ENTREP2: variants seen among roughly 807,000 people sequenced by gnomAD.
The protein encoded by ENTREP2 is endosomal transmembrane epsin interactor 2.
the ENTREP2 span, among the ~76,000 whole-genome samples, chr15:29,359,691 G>A: frequency 6.6e-6 from 1 of 152,102 alleles, no homozygotes; most frequent in Non-Finnish European, 1.5e-5. Flanking sequence ...GATTACAGGC[G>A]TGAGCCACTG....
chr15:29,126,826 T>C, the ENTREP2 span, among the ~76,000 whole-genome samples: 25 of 152,116 alleles, frequency 1.6e-4, no homozygotes, highest in Non-Finnish European at 2.2e-4. Flanking sequence ...CCAAGGGACA[T>C]CAAGGCATCC....
the ENTREP2 span, among the ~76,000 whole-genome samples, chr15:29,294,812 A>G: frequency 6.6e-6 from 1 of 152,232 alleles, no homozygotes; most frequent in Non-Finnish European, 1.5e-5. Flanking sequence ...AACAATGATG[A>G]AAGTAGCTAA....
At chr15:29,278,142 C>A in the ENTREP2 span, among the ~76,000 whole-genome samples, 2 of 151,754 alleles carry the variant, frequency 1.3e-5, no homozygotes, top group African/African-American at 4.8e-5. Flanking sequence ...CAGCTCCCTC[C>A]CTTGGACTAA....
At chr15:29,293,258 CT>C in the ENTREP2 span, among the ~76,000 whole-genome samples, 39 of 147,004 alleles carry the variant, frequency 2.7e-4, no homozygotes, top group Admixed American at 2.7e-4. Flanking sequence ...TTTATTGACT[CT>C]TTTTTTTTTT....
chr15:29,286,656 T>G, the ENTREP2 span, among the ~76,000 whole-genome samples: 1 of 152,232 alleles, frequency 6.6e-6, no homozygotes, highest in Admixed American at 6.5e-5. Flanking sequence ...CCCACTGTAG[T>G]GCTCTCCTTG....
the ENTREP2 span, among the ~76,000 whole-genome samples, chr15:29,232,613 C>T: frequency 6.6e-6 from 1 of 151,238 alleles, no homozygotes; most frequent in Non-Finnish European, 1.5e-5. Context: ...CTGCCTCAGC[C>T]TTCTTAGTAG....
chr15:29,496,714 C>T, the ENTREP2 span, among the ~76,000 whole-genome samples: 1 of 152,118 alleles, frequency 6.6e-6, no homozygotes, highest in African/African-American at 2.4e-5. Context: ...ATGTGTTGTA[C>T]CACACTTATT....
the ENTREP2 span, among the ~76,000 whole-genome samples, chr15:29,159,502 A>T: frequency 4.6e-5 from 7 of 152,220 alleles, no homozygotes; most frequent in Non-Finnish European, 1.0e-4. Context: ...CCCCACCCAC[A>T]TCCTGCTGAT....
chr15:29,151,923 A>C, the ENTREP2 span: 1 of 957,802 alleles, frequency 1.0e-6, no homozygotes, highest in Non-Finnish European at 1.5e-6. Flanking sequence ...AGGGCCCAGA[A>C]TGAGCCGAGG....
At chr15:29,203,029 T>C in the ENTREP2 span, among the ~76,000 whole-genome samples, 2 of 152,174 alleles carry the variant, frequency 1.3e-5, no homozygotes, top group South Asian at 2.1e-4. Flanking sequence ...TCAAATGGTA[T>C]TTCTGGTTCT....
the ENTREP2 span, among the ~76,000 whole-genome samples, chr15:29,547,844 T>C: frequency 6.6e-6 from 1 of 152,174 alleles, no homozygotes; most frequent in African/African-American, 2.4e-5. Flanking sequence ...AGCCCAAGTA[T>C]TCACTGTTAG....
the ENTREP2 span, among the ~76,000 whole-genome samples, chr15:29,250,452 A>G: frequency 2.2e-4 from 33 of 152,314 alleles, no homozygotes; most frequent in East Asian, 6.0e-3. Flanking sequence ...CCGTGGAGGT[A>G]TAGAAAGCGG....
the ENTREP2 span, among the ~76,000 whole-genome samples, chr15:29,310,026 T>C: frequency 6.6e-6 from 1 of 152,094 alleles, no homozygotes; most frequent in South Asian, 2.1e-4. Context: ...GTCCCTCTCC[T>C]GATTCTTCAT....
chr15:29,579,804 G>A, the ENTREP2 span, among the ~76,000 whole-genome samples: 1 of 145,754 alleles, frequency 6.9e-6, no homozygotes, highest in Non-Finnish European at 1.5e-5. Flanking sequence ...TCCACGTTCC[G>A]GGTTCACGCC....
At chr15:29,618,146 G>A in the ENTREP2 span, among the ~76,000 whole-genome samples, 8 of 152,210 alleles carry the variant, frequency 5.3e-5, no homozygotes, top group Admixed American at 2.0e-4. Context: ...CACAGAGGCC[G>A]GGCGTGGTAG....
the ENTREP2 span, among the ~76,000 whole-genome samples, chr15:29,142,895 T>G: frequency 2.0e-5 from 3 of 152,286 alleles, no homozygotes; most frequent in East Asian, 5.8e-4. Context: ...TTACAGACAC[T>G]TAAATGATCA....
At chr15:29,325,212 T>C in the ENTREP2 span, among the ~76,000 whole-genome samples, 3 of 152,118 alleles carry the variant, frequency 2.0e-5, no homozygotes, top group Non-Finnish European at 4.4e-5. Context: ...CAGCACTAAA[T>C]GCCTATAACA....
At chr15:29,199,943 G>A in the ENTREP2 span, among the ~76,000 whole-genome samples, 1 of 152,172 alleles carries the variant, frequency 6.6e-6, no homozygotes, top group Admixed American at 6.5e-5. Flanking sequence ...GCCTATAGAT[G>A]TCCAATTGTT....
chr15:29,356,965 C>A, the ENTREP2 span, among the ~76,000 whole-genome samples: 1 of 152,040 alleles, frequency 6.6e-6, no homozygotes, highest in African/African-American at 2.4e-5. Flanking sequence ...GGCCCTTCCT[C>A]CTCACAGGTA....
Sources: gnomAD v4.1 joint callset for allele counts (sites outside exome capture counted in the v4.1 genomes callset) on GRCh38, gnomAD v4.1.1 for gene constraint, MANE v1.5 for transcripts, NCBI Gene and HGNC (gene_info 2026-07-23, HGNC 2026-07-21) for gene names.